SLC25A15: variants seen among roughly 807,000 people sequenced by gnomAD.
SLC25A15 encodes mitochondrial ornithine transporter 1.
SLC25A15 carries 24 observed loss-of-function variants against 32.3 expected under a neutral mutation model. That is an observed-to-expected ratio of 0.74 (90% CI 0.54 to 1.04). SLC25A15 has a LOEUF of 1.04. Among genes scored for constraint, SLC25A15 ranks in the 50% least tolerant of loss-of-function variants. The pLI, the probability that SLC25A15 is intolerant of heterozygous loss-of-function variation, is 0.00. For missense variants in SLC25A15, 317 were observed against 374.5 expected, an observed-to-expected ratio of 0.85 and a Z score of 1.27; for synonymous variants, 132 against 142.1, an observed-to-expected ratio of 0.93 and a Z score of 0.51.
rs947862783 is a variant in SLC25A15 at position 40,811,476 on chromosome 13, G to A, written c.*1809G>A. Among the ~76,000 whole-genome samples the A allele has an allele frequency of 4.6e-5, 7 of 151,608 alleles. No homozygotes were observed. The East Asian group carries it at 5.8e-4, about 13-fold the overall frequency. On this transcript the variant is annotated 3_prime_UTR_variant, in exon 7 of 7. Transcript: ENST00000338625. ...TGCACTCCAGACTGGGTGACACAGC[G>A]AGACTTCATCTCAAAAAAAAAAAGA...
chr13:40,809,855 C>A lies in SLC25A15; in HGVS notation c.*188C>A. On this transcript the variant is annotated 3_prime_UTR_variant, in exon 7 of 7. Coordinates refer to ENST00000338625, the MANE Select transcript of SLC25A15 (RefSeq NM_014252.4). ...TATTTTGCATCATATCATTTCTGTC[C>A]ATAATTGTACTGAAATAGAAAAGTG... is the stretch of plus-strand genomic sequence containing the variant. The A allele has an allele frequency of 1.6e-6, 1 of 617,854 alleles. No homozygotes were observed. The highest frequency in any genetic ancestry group is 2.9e-5 in the East Asian group (1 of 34,472). 38.3% of individuals were successfully genotyped at this position (617,854 alleles called of 1,614,324 possible).
At chr13:40,808,954 A>AAAAAAAAAAC (rs1882324326) in intron 6 of SLC25A15, among the ~76,000 whole-genome samples, 1 of 149,292 alleles carries the variant, frequency 6.7e-6, no homozygotes, top group Non-Finnish European at 1.5e-5. Flanking sequence ...AAAAAAAAAA[A>AAAAAAAAAAC]TCTGAGATAT....
intron 1 of SLC25A15, 145 bp downstream of exon 1, chr13:40,789,808 G>GT (rs1404600471): frequency 6.6e-6 from 1 of 152,094 alleles, no homozygotes; most frequent in African/African-American, 2.4e-5. Context: ...CGCAGCGCAC[G>GT]TGCCGCGGGA....
Position 40,810,421 on chromosome 13 carries a change from C to A in SLC25A15, c.*754C>A, listed in dbSNP as rs1882398448. 6.6e-6 allele frequency among the ~76,000 whole-genome samples: 1 copy of A among 152,142 alleles called. No individual in the cohort carries two copies. The highest frequency in any genetic ancestry group is 2.1e-4 in the South Asian group (1 of 4,826). On this transcript the variant is annotated 3_prime_UTR_variant, in exon 7 of 7. Coordinates refer to ENST00000338625, the MANE Select transcript of SLC25A15 (RefSeq NM_014252.4). Reference sequence around the variant, plus strand: ...CAAGTGATCCGCCCACCTCGGCCTCCCAAAGTGCTGGGATTACTGGTGTGA... The same window carrying A: ...CAAGTGATCCGCCCACCTCGGCCTCACAAAGTGCTGGGATTACTGGTGTGA...
chr13:40,800,340 A>C (rs546703954), intron 3 of SLC25A15, among the ~76,000 whole-genome samples: 1 of 152,080 alleles, frequency 6.6e-6, no homozygotes, highest in Non-Finnish European at 1.5e-5. Flanking sequence ...AGGGCTGAGC[A>C]TGAATGGGAT....
Position 40,811,856 on chromosome 13 carries a change from G to C in SLC25A15, c.*2189G>C, listed in dbSNP as rs1423205602. Among the ~76,000 whole-genome samples the C allele has an allele frequency of 6.6e-6, 1 of 152,146 alleles. No homozygotes were observed. The highest frequency in any genetic ancestry group is 6.5e-5 in the Admixed American group (1 of 15,276). On this transcript the variant is annotated 3_prime_UTR_variant, in exon 7 of 7. Transcript: ENST00000338625. ...CTCCAGGTTCCTTAAGCTTTTTGCT[G>C]TCCATGAATCCTCTGTGGCAACTGT...
At chr13:40,805,284 G>C (rs1286920467) in intron 4 of SLC25A15, 29 bp downstream of exon 4, 1 of 1,613,636 alleles carries the variant, frequency 6.2e-7, no homozygotes, top group South Asian at 1.1e-5. Context: ...CAAACGTCAG[G>C]TCTCTATTGC....
chr13:40,800,254 T>C (rs780244787), intron 3 of SLC25A15, among the ~76,000 whole-genome samples: 1 of 152,156 alleles, frequency 6.6e-6, no homozygotes, highest in South Asian at 2.1e-4. Flanking sequence ...AATTCCACCA[T>C]GATGGGTAGA....
rs528923394 is a variant in SLC25A15, at chr13:40,810,355, G to T, written c.*688G>T. ...TTTTGGTATTTTTTGTAGAGACGAG[G>T]TTTCACCATGTTGTCCAGGTTGGTC... is the stretch of plus-strand genomic sequence containing the variant. On this transcript the variant is annotated 3_prime_UTR_variant, in exon 7 of 7. Coordinates refer to ENST00000338625, the MANE Select transcript of SLC25A15 (RefSeq NM_014252.4). 1.3e-5 allele frequency among the ~76,000 whole-genome samples: 2 copies of T among 152,186 alleles called. No homozygotes were observed. Among genetic ancestry groups the T allele is most frequent in the Non-Finnish European group, 2.9e-5 (2 of 68,016 alleles).
intron 2 of SLC25A15, among the ~76,000 whole-genome samples, chr13:40,797,535 C>T (rs1241334334): frequency 1.3e-5 from 2 of 151,990 alleles, no homozygotes; most frequent in African/African-American, 4.8e-5. Flanking sequence ...AATTATATTC[C>T]ACTAATTCAG....
At chr13:40,803,786 C>T (rs1038827458) in intron 3 of SLC25A15, among the ~76,000 whole-genome samples, 3 of 152,170 alleles carry the variant, frequency 2.0e-5, no homozygotes, top group African/African-American at 4.8e-5. Context: ...TTTGGTTAAA[C>T]GTTTTTTCTG....
chr13:40,799,919 A>T (rs1435269050), intron 3 of SLC25A15, among the ~76,000 whole-genome samples: 1 of 152,184 alleles, frequency 6.6e-6, no homozygotes, highest in African/African-American at 2.4e-5. Context: ...AAGGGAACCC[A>T]CCTTTCTCTG....
chr13:40,794,062 T>C (rs1294455468), intron 2 of SLC25A15, among the ~76,000 whole-genome samples: 1 of 152,150 alleles, frequency 6.6e-6, no homozygotes, highest in Non-Finnish European at 1.5e-5. Context: ...TTTAAAAGGC[T>C]GGGCGCAGTG....
intron 2 of SLC25A15, among the ~76,000 whole-genome samples, chr13:40,797,563 C>T (rs1881706377): frequency 1.3e-5 from 2 of 151,940 alleles, no homozygotes; most frequent in Non-Finnish European, 2.9e-5. Flanking sequence ...GATAATTTGG[C>T]AATTAAAGGC....
chr13:40,811,526 A>C lies in SLC25A15; in HGVS notation c.*1859A>C, dbSNP rs969285820. ...AAAAGAAAAGCAATTGTACTTCACT[A>C]TGCCATATGTATGTATTCACTGACC... On this transcript the variant is annotated 3_prime_UTR_variant, in exon 7 of 7. Coordinates refer to ENST00000338625, the MANE Select transcript of SLC25A15 (RefSeq NM_014252.4). 5.9e-5 allele frequency among the ~76,000 whole-genome samples: 9 copies of C among 152,120 alleles called. No homozygotes were observed. Among genetic ancestry groups the C allele is most frequent in the African/African-American group, 2.2e-4 (9 of 41,430 alleles).
At chr13:40,793,121 A>G (rs959931234) in intron 1 of SLC25A15, 37 bp from the exon 2 acceptor site, 1 of 1,133,754 alleles carries the variant, frequency 8.8e-7, no homozygotes, top group Non-Finnish European at 1.3e-6. Context: ...AGGATGCTGC[A>G]GACTTGGACT....
intron 3 of SLC25A15, chr13:40,802,046 G>T (rs1041440684): frequency 6.6e-6 from 1 of 152,212 alleles, no homozygotes; most frequent in Admixed American, 6.5e-5. Flanking sequence ...AAACTCAATA[G>T]ACTTCTACAT....
At chr13:40,808,729 C>T (rs1221858221) in intron 6 of SLC25A15, 133 bp downstream of exon 6, 50 of 678,710 alleles carry the variant, frequency 7.4e-5, no homozygotes, top group Middle Eastern at 4.1e-4. Flanking sequence ...GTCAGGAGAT[C>T]GAGACCATCC....
At chr13:40,807,144 C>T (rs952477214) in intron 4 of SLC25A15, 150 bp from the exon 5 acceptor site, 12 of 773,974 alleles carry the variant, frequency 1.6e-5, no homozygotes, top group Admixed American at 3.7e-5. Flanking sequence ...AGAAGGATGC[C>T]GTTGAGTCTT....
Sources: gnomAD v4.1 joint callset for allele counts (sites outside exome capture counted in the v4.1 genomes callset) on GRCh38, gnomAD v4.1.1 for gene constraint, MANE v1.5 for transcripts, NCBI Gene and HGNC (gene_info 2026-07-23, HGNC 2026-07-21) for gene names.